Variants in LDLRAD4 observed in about 807,000 individuals in gnomAD.
LDLRAD4 encodes the protein low-density lipoprotein receptor class A domain-containing protein 4.
LDLRAD4 carries 5 observed loss-of-function variants against 17.0 expected under a neutral mutation model. The observed-to-expected ratio is 0.29, with a 90% CI of 0.15 to 0.62. LDLRAD4 has a LOEUF of 0.62. LDLRAD4 is among the 20% of genes least tolerant of loss of function. The probability of loss-of-function intolerance (pLI) is 0.84; values close to 1 mark genes in which losing one functional copy is unlikely to be tolerated. For synonymous variants in LDLRAD4, 168 were observed against 171.8 expected (o/e 0.98, Z 0.17); for missense variants, 340 against 424.7 (o/e 0.80, Z 1.75).
intron 1 of LDLRAD4, among the ~76,000 whole-genome samples, chr18:13,312,195 C>T (rs930408368): frequency 1.4e-4 from 22 of 152,164 alleles, no homozygotes; most frequent in African/African-American, 4.8e-4. Flanking sequence ...ACCATGGTGC[C>T]GGGTGGCAGT....
intron 1 of LDLRAD4, among the ~76,000 whole-genome samples, chr18:13,283,911 G>A (rs1307099153): frequency 3.3e-5 from 5 of 152,172 alleles, no homozygotes; most frequent in African/African-American, 7.2e-5. Context: ...TTCTTACAGG[G>A]CGGCAGCAAG....
intron 3 of LDLRAD4, among the ~76,000 whole-genome samples, chr18:13,559,183 A>G (rs1209691752): frequency 6.6e-6 from 1 of 152,200 alleles, no homozygotes; most frequent in Non-Finnish European, 1.5e-5. Flanking sequence ...TTTTTCCTCA[A>G]TAAATAATTT....
chr18:13,267,308 G>A (rs147887765), intron 1 of LDLRAD4, among the ~76,000 whole-genome samples: 6 of 152,292 alleles, frequency 3.9e-5, no homozygotes, highest in South Asian at 2.1e-4. Context: ...AGTTTCACGC[G>A]TGTGTGTGTC....
chr18:13,503,918 TA>T (rs1250245463), intron 3 of LDLRAD4, among the ~76,000 whole-genome samples: 3 of 152,340 alleles, frequency 2.0e-5, no homozygotes, highest in East Asian at 1.9e-4. Context: ...TTTAAAGATT[TA>T]TTTTTTTAAT....
At chr18:13,240,124 C>T (rs1376504472) in intron 1 of LDLRAD4, 1 of 152,216 alleles carries the variant, frequency 6.6e-6, no homozygotes, top group African/African-American at 2.4e-5. Context: ...AATAACTAGG[C>T]CAGCATTCTG....
At chr18:13,274,129 T>C (rs533987216), upstream of LDLRAD4, among the ~76,000 whole-genome samples, 1 of 152,344 alleles carries the variant, frequency 6.6e-6, no homozygotes, top group East Asian at 1.9e-4. Flanking sequence ...TGAACCTTTC[T>C]TCTGAAGGCT....
intron 1 of LDLRAD4, among the ~76,000 whole-genome samples, chr18:13,235,777 C>G (rs1294971978): frequency 4.6e-5 from 7 of 152,314 alleles, no homozygotes; most frequent in Non-Finnish European, 8.8e-5. Context: ...AAGTGCACAT[C>G]CAGCCCTGGG....
intron 1 of LDLRAD4, among the ~76,000 whole-genome samples, chr18:13,307,095 C>T (rs1404288940): frequency 6.6e-6 from 1 of 152,110 alleles, no homozygotes. Context: ...GAAGTGGGCA[C>T]TGAAACTAAA....
intron 3 of LDLRAD4, chr18:13,526,653 A>T (rs1461928909): frequency 1.3e-5 from 2 of 152,258 alleles, no homozygotes; most frequent in Non-Finnish European, 2.9e-5. Flanking sequence ...ATAAAATGTC[A>T]GTTCTACAAT....
chr18:13,436,531 T>C (rs2090669231), intron 2 of LDLRAD4, among the ~76,000 whole-genome samples: 1 of 152,250 alleles, frequency 6.6e-6, no homozygotes, highest in African/African-American at 2.4e-5. Flanking sequence ...AATCACTGTT[T>C]TAGCAACACA....
chr18:13,635,553 C>G (rs2042005005), intron 4 of LDLRAD4, among the ~76,000 whole-genome samples: 1 of 152,170 alleles, frequency 6.6e-6, no homozygotes, highest in Non-Finnish European at 1.5e-5. Flanking sequence ...GATATTTTTT[C>G]TCTTTAATGC....
intron 1 of LDLRAD4, among the ~76,000 whole-genome samples, chr18:13,315,156 C>G (rs1425683062): frequency 1.3e-5 from 2 of 152,176 alleles, no homozygotes; most frequent in African/African-American, 4.8e-5. Flanking sequence ...ATAGTTTAGC[C>G]TTCACAAAAG....
chr18:13,558,006 T>G (rs147049545), intron 3 of LDLRAD4, among the ~76,000 whole-genome samples: 9 of 152,370 alleles, frequency 5.9e-5, no homozygotes, highest in Middle Eastern at 3.4e-3. Context: ...ATATAATGAA[T>G]GGTTTTGCAA....
At chr18:13,242,670 TG>T (rs1233266273) in intron 1 of LDLRAD4, among the ~76,000 whole-genome samples, 3 of 152,226 alleles carry the variant, frequency 2.0e-5, no homozygotes, top group African/African-American at 7.2e-5. Context: ...AATAGATTTA[TG>T]GGGTACAAGT....
intron 3 of LDLRAD4, among the ~76,000 whole-genome samples, chr18:13,597,774 A>G (rs892668909): frequency 4.0e-5 from 6 of 151,226 alleles, no homozygotes; most frequent in Admixed American, 3.3e-4. Context: ...TTTTTCACAG[A>G]TAATTCTATT....
chr18:13,253,033 G>C (rs984888911), intron 1 of LDLRAD4, among the ~76,000 whole-genome samples: 1 of 152,176 alleles, frequency 6.6e-6, no homozygotes, highest in African/African-American at 2.4e-5. Flanking sequence ...GTGCAGGCCT[G>C]CTTCACTCTG....
At chr18:13,521,686 G>A (rs954507375) in intron 3 of LDLRAD4, 5 of 152,026 alleles carry the variant, frequency 3.3e-5, no homozygotes, top group East Asian at 1.9e-4. Flanking sequence ...AGCACGTGAC[G>A]AGGAGTCATC....
rs956587950 is a variant in LDLRAD4, at chr18:13,622,434, G to A, written c.336+1163G>A. Among the ~76,000 whole-genome samples, 15 of 152,148 alleles carry A rather than the reference G, an allele frequency of 9.9e-5. No homozygotes were observed. Among genetic ancestry groups the A allele is most frequent in the Non-Finnish European group, 1.5e-4 (10 of 68,002 alleles). On this transcript the variant is annotated intron_variant, in intron 4 of 5. Coordinates refer to ENST00000359446, the Ensembl canonical transcript of LDLRAD4. This position sits in a 1 kb window ranked among gnomAD's most constrained non-coding sequence, Gnocchi z 5.3. The stretch of plus-strand genomic sequence containing the variant: ...CCTCGGGGAGGAGATGGGATGCCAG[G>A]GGAAGACGTGCACCCTTGACAGCCG...
intron 2 of LDLRAD4, among the ~76,000 whole-genome samples, chr18:13,405,602 AT>A (rs540287028): frequency 2.8e-3 from 383 of 135,006 alleles, no homozygotes; most frequent in Middle Eastern, 7.8e-3. Flanking sequence ...GGCTAATTAA[AT>A]TTTTTTTTTT....
Sources: allele counts gnomAD v4.1 joint callset (sites outside exome capture counted in the v4.1 genomes callset), GRCh38; gene constraint gnomAD v4.1.1; non-coding constraint Gnocchi (gnomAD v3.1); transcripts MANE v1.5; gene names NCBI Gene and HGNC (gene_info 2026-07-23, HGNC 2026-07-21).